The following DIAPH2 variants were observed in gnomAD, a reference collection of about 807,000 sequenced individuals.
The protein encoded by DIAPH2 is protein diaphanous homolog 2.
Under a neutral mutation model 92.7 loss-of-function variants are expected in DIAPH2, and 35 were observed. The ratio of observed to expected loss-of-function variants is 0.38; its 90% CI spans 0.29 to 0.50. The LOEUF is 0.50. Ranked by LOEUF, DIAPH2 falls within the 20% of genes least tolerant of loss-of-function variation. DIAPH2 has a pLI of 0.94. For synonymous variants in DIAPH2, 301 were observed against 280.4 expected (o/e 1.07, Z -0.73); for missense variants, 701 against 819.5 (o/e 0.86, Z 1.77).
At chrX:96,842,391 G>A (rs2064942402) in intron 4 of DIAPH2, among the ~76,000 whole-genome samples, 1 of 111,927 alleles carries the variant, frequency 8.9e-6, no homozygotes, top group East Asian at 2.8e-4. Flanking sequence ...GAACATCTAG[G>A]TGCTAGACAT....
intron 17 of DIAPH2, among the ~76,000 whole-genome samples, chrX:96,997,806 T>A (rs1270648344): frequency 8.9e-6 from 1 of 112,029 alleles, no homozygotes; most frequent in Non-Finnish European, 1.9e-5. Context: ...CTTTGTTGGA[T>A]TTTCTCATTT....
At chrX:96,844,095 C>T (rs974781898) in intron 4 of DIAPH2, among the ~76,000 whole-genome samples, 2 of 112,020 alleles carry the variant, frequency 1.8e-5, no homozygotes, top group South Asian at 7.4e-4. Context: ...GAATAGCATC[C>T]AAATATACAT....
rs201622135 is a variant in DIAPH2 at position 96,874,614 on chromosome X, TG to T, written c.448-6964del. 4.8e-3 allele frequency among the ~76,000 whole-genome samples: 534 copies of T among 112,235 alleles called. 19 individuals are homozygous for T. In the East Asian group the frequency reaches 0.13, roughly 27 times the overall value. ...TTGCTTTCGCTAGGAAATCAGTTAA[TG>T]ATGGTTTAGCCTTCAATTGTCCGTA... On this transcript the variant is annotated intron_variant, in intron 4 of 26. Transcript: ENST00000324765.
At chrX:97,023,138 CTTA>C (rs1194677748) in intron 17 of DIAPH2, among the ~76,000 whole-genome samples, 4 of 111,612 alleles carry the variant, frequency 3.6e-5, no homozygotes, top group Non-Finnish European at 7.5e-5. Context: ...GTTTCTAACT[CTTA>C]TTAGTAGTTT....
chrX:96,883,941 A>C, intron 5 of DIAPH2: 1 of 145,554 alleles, frequency 6.9e-6, no homozygotes, highest in Non-Finnish European at 1.3e-5. Flanking sequence ...AGATGTTGGG[A>C]AAGGCTTGCT....
chrX:97,286,429 A>G (rs1055299695), intron 23 of DIAPH2, among the ~76,000 whole-genome samples: 1 of 111,142 alleles, frequency 9.0e-6, no homozygotes, highest in Non-Finnish European at 1.9e-5. Flanking sequence ...AGTTAAAAGT[A>G]AACTGTTTTC....
chrX:97,323,982 CTAATTTTTAAATTTGGCTCT>C (rs2068929462), intron 23 of DIAPH2, among the ~76,000 whole-genome samples: 1 of 109,968 alleles, frequency 9.1e-6, no homozygotes, highest in Non-Finnish European at 1.9e-5. Context: ...CTTGTTGAAC[CTAATTTTTAAATTTGGCTCT>C]TATTTGTGTA....
chrX:96,835,545 G>T (rs367048), intron 4 of DIAPH2, among the ~76,000 whole-genome samples: 45,107 of 110,509 alleles, frequency 0.41, 7,761 homozygotes, highest in African/African-American at 0.67. Context: ...ACCCTGTCAG[G>T]CCTAATGCCA....
intron 4 of DIAPH2, among the ~76,000 whole-genome samples, chrX:96,799,711 G>C (rs1349128296): frequency 9.1e-6 from 1 of 110,492 alleles, no homozygotes; most frequent in Non-Finnish European, 1.9e-5. Flanking sequence ...GGGAGGCCAA[G>C]GCAGGAGAAT....
At chrX:97,044,283 A>G (rs1012094150) in intron 17 of DIAPH2, among the ~76,000 whole-genome samples, 1 of 111,509 alleles carries the variant, frequency 9.0e-6, no homozygotes, top group Non-Finnish European at 1.9e-5. Context: ...ATTTAATGCT[A>G]TATTGTAAAC....
chrX:97,323,594 A>G (rs1384887489), intron 23 of DIAPH2, among the ~76,000 whole-genome samples: 5 of 67,233 alleles, frequency 7.4e-5, no homozygotes, highest in South Asian at 7.9e-4. Flanking sequence ...CCGTCTCAAG[A>G]AAAAAAAAAA....
At chrX:97,538,511 T>C (rs143318809) in intron 26 of DIAPH2, among the ~76,000 whole-genome samples, 3,029 of 111,847 alleles carry the variant, frequency 0.027, 35 homozygotes, top group Non-Finnish European at 0.039. Context: ...AGGATTTATA[T>C]GTAAGAGAGG....
At chrX:97,396,874 AAGAAAT>A (rs2069709660) in intron 25 of DIAPH2, among the ~76,000 whole-genome samples, 1 of 111,974 alleles carries the variant, frequency 8.9e-6, no homozygotes, top group African/African-American at 3.2e-5. Context: ...TCTGTTCTGT[AAGAAAT>A]AATGGTTGTT....
chrX:97,272,243 C>T (rs931878050), intron 23 of DIAPH2, among the ~76,000 whole-genome samples: 1 of 110,957 alleles, frequency 9.0e-6, no homozygotes, highest in Admixed American at 9.7e-5. Context: ...ATGATCCACC[C>T]GCCTCGGCCT....
At chrX:97,509,085 C>T (rs1168931967) in intron 26 of DIAPH2, among the ~76,000 whole-genome samples, 3 of 107,392 alleles carry the variant, frequency 2.8e-5, no homozygotes, top group East Asian at 2.9e-4. Context: ...CTCGCTCTGT[C>T]GCCGAGGCTG....
Position 96,855,468 on chromosome X carries a change from A to G in DIAPH2, c.448-26111A>G, listed in dbSNP as rs750044166. On this transcript the variant is annotated intron_variant, in intron 4 of 26. Transcript: ENST00000324765. ...TTTATTTATTCATATATATTATTAC[A>G]ATTTTATTGAATTTTGTACAAACCA... Among the ~76,000 whole-genome samples the G allele has an allele frequency of 3.6e-5, 4 of 110,287 alleles. No individual in the cohort carries two copies. The South Asian group carries it at 1.5e-3, about 41-fold the overall frequency.
chrX:96,766,811 T>C (rs1021525918), intron 4 of DIAPH2, among the ~76,000 whole-genome samples: 3 of 112,092 alleles, frequency 2.7e-5, no homozygotes, highest in Non-Finnish European at 5.6e-5. Context: ...GAAGCAGAAA[T>C]GGAGGCATTT....
intron 17 of DIAPH2, among the ~76,000 whole-genome samples, chrX:96,981,554 A>G (rs1348195888): frequency 8.9e-6 from 1 of 112,082 alleles, no homozygotes; most frequent in Non-Finnish European, 1.9e-5. Context: ...TATGCCAGGT[A>G]CTTTGTGAAG....
chrX:96,804,734 A>G (rs2064610592), intron 4 of DIAPH2, among the ~76,000 whole-genome samples: 1 of 111,624 alleles, frequency 9.0e-6, no homozygotes, highest in East Asian at 2.8e-4. Context: ...GTGTTCCAAA[A>G]ATAAAATAAT....
Sources: gnomAD v4.1 joint callset for allele counts (sites outside exome capture counted in the v4.1 genomes callset) on GRCh38, gnomAD v4.1.1 for gene constraint, MANE v1.5 for transcripts, NCBI Gene and HGNC (gene_info 2026-07-23, HGNC 2026-07-21) for gene names.